The following MAP2K6 variants were observed in gnomAD, a reference collection of about 807,000 sequenced individuals.
The protein encoded by MAP2K6 is mitogen-activated protein kinase kinase 6.
In MAP2K6, 16 loss-of-function variants were observed where a neutral mutation model predicts 53.7. That is an observed-to-expected ratio of 0.30 (90% CI 0.20 to 0.45). The LOEUF (loss-of-function observed/expected upper bound fraction) is 0.45, where lower values mean the gene tolerates loss of function less well. MAP2K6 is among the 20% of genes least tolerant of loss of function. MAP2K6 has a pLI of 1.00. For missense variants in MAP2K6, 204 were observed against 411.9 expected, an observed-to-expected ratio of 0.50 and a Z score of 4.37; for synonymous variants, 132 against 143.1, an observed-to-expected ratio of 0.92 and a Z score of 0.55.
At position 69,541,813 on chromosome 17, in the gene MAP2K6, A is replaced by G. The variant is rs566349329; in HGVS notation, c.*60A>G. On this transcript the variant is annotated 3_prime_UTR_variant, in exon 12 of 12. Transcript: ENST00000590474. ...GATTGGTGGGTTTCGGGGTGAAGCAAGTTCACTACAGCATCAATAGAAAGT... is the reference window on the plus strand; with the variant it reads ...GATTGGTGGGTTTCGGGGTGAAGCAGGTTCACTACAGCATCAATAGAAAGT... The G allele has an allele frequency of 8.4e-7, 1 of 1,193,202 alleles. No individual in the cohort carries two copies. The highest frequency in any genetic ancestry group is 2.4e-5 in the East Asian group (1 of 42,090). 73.9% of individuals were successfully genotyped at this position (1,193,202 alleles called of 1,614,324 possible).
intron 1 of MAP2K6, among the ~76,000 whole-genome samples, chr17:69,425,337 G>A (rs1906234258): frequency 6.6e-6 from 1 of 151,536 alleles, no homozygotes; most frequent in Admixed American, 6.6e-5. Context: ...TTCTGAGATG[G>A]CGTATAGCTC....
Position 69,517,592 on chromosome 17 carries a change from C to T in MAP2K6, c.225C>T (p.Ser75=), listed in dbSNP as rs192863519. Residue 75 remains serine (S), a synonymous_variant, in exon 4 of 12, where the codon AGC becomes AGT. Coordinates refer to ENST00000590474, the MANE Select transcript of MAP2K6 (RefSeq NM_002758.4). The part of the protein sequence containing the change: ...GVVEKMRHVP[S]GQIMAVKRIR... ...TGGAGAAGATGCGGCACGTGCCCAGCGGGCAGATCATGGCAGTGAAGGTAG... is the reference window on the plus strand; with the variant it reads ...TGGAGAAGATGCGGCACGTGCCCAGTGGGCAGATCATGGCAGTGAAGGTAG... 233 of 1,602,288 alleles carry T rather than the reference C, an allele frequency of 1.5e-4. No homozygotes were observed. Among genetic ancestry groups the T allele is most frequent in the East Asian group, 2.3e-5 (1 of 44,064 alleles).
rs566348181 is a variant in MAP2K6, at chr17:69,522,732, A to T, written c.536-782A>T. 2.0e-5 allele frequency among the ~76,000 whole-genome samples: 3 copies of T among 152,110 alleles called. No individual in the cohort carries two copies. In the South Asian group the frequency reaches 6.2e-4, roughly 32 times the overall value. ...GATCCTTTACACTATGTGACCTCTG[A>T]CACATCGCTAGCAGAGGTTTCAATC... On this transcript the variant is annotated intron_variant, in intron 7 of 11. Coordinates refer to ENST00000590474, the MANE Select transcript of MAP2K6 (RefSeq NM_002758.4).
intron 1 of MAP2K6, among the ~76,000 whole-genome samples, chr17:69,469,798 T>C (rs1469328917): frequency 6.6e-6 from 1 of 151,960 alleles, no homozygotes; most frequent in Non-Finnish European, 1.5e-5. Flanking sequence ...GAGAAAAGTA[T>C]CTTTGGGGTG....
At chr17:69,416,999 C>T (rs899870407) in intron 1 of MAP2K6, among the ~76,000 whole-genome samples, 1 of 152,194 alleles carries the variant, frequency 6.6e-6, no homozygotes, top group African/African-American at 2.4e-5. Flanking sequence ...GATGTGTTTA[C>T]AATGGATCAG....
intron 9 of MAP2K6, 83 bp downstream of exon 9, chr17:69,525,061 T>C: frequency 8.5e-7 from 1 of 1,179,940 alleles, no homozygotes; most frequent in South Asian, 1.2e-5. Context: ...AAGAAACAAA[T>C]GCCCTAAATG....
intron 1 of MAP2K6, among the ~76,000 whole-genome samples, chr17:69,471,499 A>G (rs62080951): frequency 1.3e-5 from 2 of 152,164 alleles, no homozygotes; most frequent in Admixed American, 6.5e-5. Context: ...AATAATAGAC[A>G]CTGGGGACTC....
chr17:69,492,556 G>T (rs983331733), intron 1 of MAP2K6, among the ~76,000 whole-genome samples: 4 of 152,184 alleles, frequency 2.6e-5, no homozygotes, highest in Non-Finnish European at 4.4e-5. Flanking sequence ...CTACAGTGAA[G>T]GTATTGGCAT....
chr17:69,534,671 G>A (rs773086409), intron 10 of MAP2K6, among the ~76,000 whole-genome samples: 1 of 151,814 alleles, frequency 6.6e-6, no homozygotes, highest in Non-Finnish European at 1.5e-5. Context: ...CTTAGCTTCG[G>A]AGGGTGAGGC....
At chr17:69,455,981 C>A in intron 1 of MAP2K6, among the ~76,000 whole-genome samples, 1 of 151,792 alleles carries the variant, frequency 6.6e-6, no homozygotes, top group Non-Finnish European at 1.5e-5. Flanking sequence ...CTGCCTCAGC[C>A]TCTCGAGTAG....
chr17:69,516,546 G>A (rs903908719), intron 2 of MAP2K6, among the ~76,000 whole-genome samples: 1 of 152,134 alleles, frequency 6.6e-6, no homozygotes, highest in South Asian at 2.1e-4. Flanking sequence ...GATATTTACT[G>A]TATGCCAGAC....
At chr17:69,517,013 A>G in intron 3 of MAP2K6, 110 bp downstream of exon 3, 1 of 865,908 alleles carries the variant, frequency 1.2e-6, no homozygotes, top group South Asian at 1.6e-5. Context: ...AGTCAAAAAA[A>G]GTTTGCATTT....
chr17:69,447,780 T>TG (rs1305257643), intron 1 of MAP2K6, among the ~76,000 whole-genome samples: 5 of 152,148 alleles, frequency 3.3e-5, no homozygotes, highest in Non-Finnish European at 7.4e-5. Flanking sequence ...TGAGCATTAG[T>TG]GGGCCAGGGA....
chr17:69,515,187 C>T (rs1383151030), intron 2 of MAP2K6, among the ~76,000 whole-genome samples: 2 of 150,710 alleles, frequency 1.3e-5, no homozygotes, highest in South Asian at 2.1e-4. Flanking sequence ...TACAGAGTCT[C>T]ACTCTGTCAC....
chr17:69,495,922 A>G (rs563125175), intron 1 of MAP2K6, among the ~76,000 whole-genome samples: 26 of 151,670 alleles, frequency 1.7e-4, no homozygotes, highest in Middle Eastern at 6.8e-3. Context: ...GAGGAAGGAG[A>G]TGAACCGAGA....
At chr17:69,430,637 C>G (rs995694199) in intron 1 of MAP2K6, among the ~76,000 whole-genome samples, 1 of 152,086 alleles carries the variant, frequency 6.6e-6, no homozygotes, top group Admixed American at 6.5e-5. Context: ...CAAACAAGCC[C>G]GGACTTATCT....
Position 69,459,626 on chromosome 17 carries a change from C to T in MAP2K6, c.16+44626C>T, listed in dbSNP as rs867769842. Among the ~76,000 whole-genome samples the T allele has an allele frequency of 1.2e-4, 17 of 141,274 alleles. No homozygotes were observed. The Middle Eastern group carries it at 0.015, about 122-fold the overall frequency. The allele number at this position is 141,274 out of a possible 152,430, so 92.7% of individuals were successfully genotyped here. On this transcript the variant is annotated intron_variant, in intron 1 of 11. Coordinates refer to ENST00000590474, the MANE Select transcript of MAP2K6 (RefSeq NM_002758.4). ...ACTCGGGAGGCTGAGGCAGGAGAAT[C>T]GCTTGAACCCGAAAGGCGGAGGCTG... is the stretch of plus-strand genomic sequence containing the variant.
intron 1 of MAP2K6, chr17:69,434,773 C>T (rs985955999): frequency 6.6e-6 from 1 of 152,074 alleles, no homozygotes. Flanking sequence ...AGCAACAAAT[C>T]AGAGAAAAAA....
chr17:69,514,697 G>A (rs1910047178), intron 2 of MAP2K6, among the ~76,000 whole-genome samples: 4 of 152,002 alleles, frequency 2.6e-5, no homozygotes, highest in Admixed American at 2.6e-4. Flanking sequence ...GAATAGCTGG[G>A]ATTACAGGTG....
Sources: allele counts gnomAD v4.1 joint callset (sites outside exome capture counted in the v4.1 genomes callset), GRCh38; gene constraint gnomAD v4.1.1; transcripts MANE v1.5; gene names NCBI Gene and HGNC (gene_info 2026-07-23, HGNC 2026-07-21).